ADGRA3: variants seen among roughly 807,000 people sequenced by gnomAD.
ADGRA3 encodes the protein G-protein coupled receptor 125.
Under a neutral mutation model 119.8 loss-of-function variants are expected in ADGRA3, and 56 were observed. The observed-to-expected ratio is 0.47, with a 90% CI of 0.38 to 0.58. The LOEUF (loss-of-function observed/expected upper bound fraction) is 0.58, where lower values mean the gene tolerates loss of function less well. Ranked by LOEUF, ADGRA3 falls within the 20% of genes least tolerant of loss-of-function variation. ADGRA3 has a pLI of 0.00. For missense variants in ADGRA3, 1,516 were observed against 1,649.0 expected, an observed-to-expected ratio of 0.92 and a Z score of 1.40; for synonymous variants, 607 against 623.8, an observed-to-expected ratio of 0.97 and a Z score of 0.40.
chr4:22,393,997 GA>G (rs1714245842), intron 16 of ADGRA3: 1 of 152,150 alleles, frequency 6.6e-6, no homozygotes, highest in Non-Finnish European at 1.5e-5. Context: ...AAGATGTGAG[GA>G]AATGAGAGAA....
At chr4:22,436,307 T>C (rs10516411) in intron 9 of ADGRA3, 133 bp downstream of exon 9, 32,292 of 663,410 alleles carry the variant, frequency 0.049, 1,430 homozygotes, top group East Asian at 0.17. Flanking sequence ...TGAAGACAGT[T>C]AAGTCAACTA....
At position 22,449,283 on chromosome 4, in the gene ADGRA3, A is replaced by T. The variant is rs547278747; in HGVS notation, c.474-1772T>A. Among the ~76,000 whole-genome samples the T allele has an allele frequency of 2.2e-3, 338 of 151,876 alleles. 2 individuals carry two copies. Among genetic ancestry groups the T allele is most frequent in the African/African-American group, 7.8e-3 (321 of 41,398 alleles). ...AGACCCCGTCTCAAAAAAAAAAAAA[A>T]TTTTTTTTAAGAAAGTAACTTAGAT... is the stretch of plus-strand genomic sequence containing the variant. On this transcript the variant is annotated intron_variant, in intron 4 of 18. Transcript: ENST00000334304.
intron 1 of ADGRA3, among the ~76,000 whole-genome samples, chr4:22,508,091 C>T (rs7697048): frequency 0.43 from 65,507 of 152,030 alleles, 15,637 homozygotes; most frequent in East Asian, 0.6. Flanking sequence ...ATACTCGAGG[C>T]GCTGTGCGAA....
At chr4:22,426,643 T>G (rs889456055) in intron 10 of ADGRA3, among the ~76,000 whole-genome samples, 3 of 152,172 alleles carry the variant, frequency 2.0e-5, no homozygotes, top group African/African-American at 7.2e-5. Flanking sequence ...TTGTGATAAC[T>G]GCTACAAGGG....
At chr4:22,443,872 T>C (rs1416240643) in intron 6 of ADGRA3, among the ~76,000 whole-genome samples, 1 of 152,140 alleles carries the variant, frequency 6.6e-6, no homozygotes, top group African/African-American at 2.4e-5. Context: ...TTTCATTCAG[T>C]GAGCATATTT....
chr4:22,457,090 GA>G (rs1717265732), intron 3 of ADGRA3, among the ~76,000 whole-genome samples: 1 of 152,114 alleles, frequency 6.6e-6, no homozygotes, highest in Non-Finnish European at 1.5e-5. Flanking sequence ...GATTCTCTGG[GA>G]AACAATTTCA....
chr4:22,487,812 T>C (rs1361702260), intron 1 of ADGRA3, among the ~76,000 whole-genome samples: 1 of 152,142 alleles, frequency 6.6e-6, no homozygotes, highest in Non-Finnish European at 1.5e-5. Flanking sequence ...TAAATATTTC[T>C]CCAATTTATC....
chr4:22,390,336 AT>A (rs1560292129), intron 17 of ADGRA3, among the ~76,000 whole-genome samples: 1,548 of 113,474 alleles, frequency 0.014, 7 homozygotes, highest in Non-Finnish European at 0.02. Flanking sequence ...ATATATATAT[AT>A]AAAATACATA....
chr4:22,500,410 G>A (rs1022899190), intron 1 of ADGRA3, among the ~76,000 whole-genome samples: 2 of 152,170 alleles, frequency 1.3e-5, no homozygotes, highest in South Asian at 2.1e-4. Context: ...GAGGTTATGC[G>A]GGGAGCATTT....
chr4:22,453,451 C>A (rs1353601651), intron 4 of ADGRA3, among the ~76,000 whole-genome samples: 2 of 152,212 alleles, frequency 1.3e-5, no homozygotes, highest in African/African-American at 4.8e-5. Flanking sequence ...TCCTATGCAG[C>A]ACGAACATTC....
At chr4:22,456,025 T>C (rs960090583) in intron 3 of ADGRA3, among the ~76,000 whole-genome samples, 3 of 152,210 alleles carry the variant, frequency 2.0e-5, no homozygotes, top group Non-Finnish European at 4.4e-5. Flanking sequence ...TTCTCTGTCA[T>C]AGAGAGGTAC....
intron 16 of ADGRA3, chr4:22,393,037 T>A (rs1269989983): frequency 8.4e-5 from 14 of 165,772 alleles, no homozygotes. Context: ...TCTTTTTTTT[T>A]TTTTTTTGGG....
rs767600094 is a variant in ADGRA3 at position 22,392,567 on chromosome 4, G to A, written c.2605C>T (p.Pro869Ser). 3 of 1,613,954 alleles carry A rather than the reference G, an allele frequency of 1.9e-6. No individual in the cohort carries two copies. The highest frequency in any genetic ancestry group is 4.5e-5 in the East Asian group (2 of 44,880). The part of the protein sequence containing the change: ...KRCQDPDEPP[P>S]PPRPMLRFYL... ...TACCTGAGCATTGGTCTTGGTGGAG[G>A]TGGTGGTTCATCAGGATCCTGGCAT... Residue 869 changes from proline to serine, a missense_variant, in exon 17 of 19, where the codon CCT (proline) becomes TCT (serine). Pro to Ser is a moderately conservative substitution (Grantham distance 74). This residue lies in a region of ADGRA3 where 1,088 missense variants were observed against 1,107.1 expected (regional missense o/e 0.98). Coordinates refer to ENST00000334304, the MANE Select transcript of ADGRA3 (RefSeq NM_145290.4).
rs182090002 is a variant in ADGRA3 at position 22,450,675 on chromosome 4, T to C, written c.474-3164A>G. The stretch of plus-strand genomic sequence containing the variant: ...TGTGTATATGATACATCATCTATTA[T>C]ACAGAAGCCTTTATCAGGGCAGATT... On this transcript the variant is annotated intron_variant, in intron 4 of 18. Coordinates refer to ENST00000334304, the MANE Select transcript of ADGRA3 (RefSeq NM_145290.4). 7.2e-5 allele frequency among the ~76,000 whole-genome samples: 11 copies of C among 152,240 alleles called. No homozygotes were observed. The East Asian group carries it at 2.1e-3, about 29-fold the overall frequency.
chr4:22,469,999 T>C (rs1470953322), intron 2 of ADGRA3, among the ~76,000 whole-genome samples: 1 of 152,224 alleles, frequency 6.6e-6, no homozygotes, highest in African/African-American at 2.4e-5. Flanking sequence ...TTACTGCATA[T>C]GTTCCATAAA....
chr4:22,388,061 T>C lies in ADGRA3; in HGVS notation c.3610A>G (p.Asn1204Asp). 3 of 1,614,170 alleles carry C rather than the reference T, an allele frequency of 1.9e-6. No homozygotes were observed. Among genetic ancestry groups the C allele is most frequent in the Non-Finnish European group, 2.5e-6 (3 of 1,180,012 alleles). The part of the protein sequence containing the change: ...VPTSVEGSVQ[N>D]GLPKSRLGNN... ...CCCAGCCGGCTTTTAGGTAAGCCGT[T>C]CTGCACGCTTCCTTCCACGCTCGTT... The change falls in exon 19 of 19, where the codon AAC becomes GAC. Residue 1204 changes from asparagine to aspartate, a missense_variant. This residue lies in a region of ADGRA3 where 1,088 missense variants were observed against 1,107.1 expected (regional missense o/e 0.98). Coordinates refer to ENST00000334304, the MANE Select transcript of ADGRA3 (RefSeq NM_145290.4).
At chr4:22,392,780 T>G (rs1714191091) in intron 16 of ADGRA3, 90 bp from the exon 17 acceptor site, 2 of 1,220,712 alleles carry the variant, frequency 1.6e-6, no homozygotes. Flanking sequence ...GAAGTCTGAT[T>G]TGAAAGCAGC....
chr4:22,482,484 C>G (rs1206605584), intron 1 of ADGRA3, among the ~76,000 whole-genome samples: 2 of 89,314 alleles, frequency 2.2e-5, no homozygotes, highest in African/African-American at 7.1e-5. Context: ...AGTGAGACCC[C>G]AACTCTTAAA....
At position 22,413,331 on chromosome 4, in the gene ADGRA3, G is replaced by A. The variant is rs1385446433; in HGVS notation, c.2083C>T (p.His695Tyr). The A allele has an allele frequency of 6.2e-7, 1 of 1,614,068 alleles. No individual in the cohort carries two copies. Among genetic ancestry groups the A allele is most frequent in the East Asian group, 2.2e-5 (1 of 44,870 alleles). Residue 695 changes from histidine to tyrosine, a missense_variant, in exon 14 of 19, where the codon CAT (histidine) becomes TAT (tyrosine). Around this residue, in one of 2 missense-constraint regions of ADGRA3, gnomAD observed 1,088 missense variants for 1,107.1 expected, o/e 0.98. Coordinates refer to ENST00000334304, the MANE Select transcript of ADGRA3 (RefSeq NM_145290.4). Reference sequence around the variant, plus strand: ...CGGGCTGCAACAGCATCTGCTCCATGTGCAATTCGACGCAGTGTCACATTA... The same window carrying A: ...CGGGCTGCAACAGCATCTGCTCCATATGCAATTCGACGCAGTGTCACATTA... The part of the protein sequence containing the change: ...PVNVTLRRIA[H>Y]GADAVAARWD...
Sources: allele counts gnomAD v4.1 joint callset (sites outside exome capture counted in the v4.1 genomes callset), GRCh38; gene constraint gnomAD v4.1.1; regional missense constraint gnomAD v4.1.1; transcripts MANE v1.5; gene names NCBI Gene and HGNC (gene_info 2026-07-23, HGNC 2026-07-21).